The following CEP164 variants were observed in gnomAD, a reference collection of about 807,000 sequenced individuals.
The protein encoded by CEP164 is centrosomal protein 164.
In CEP164, 162 loss-of-function variants were observed where a neutral mutation model predicts 182.7. The observed-to-expected ratio is 0.89, with a 90% CI of 0.78 to 1.01. The LOEUF (loss-of-function observed/expected upper bound fraction) is 1.01. CEP164 is among the 50% of genes least tolerant of loss of function. The probability of loss-of-function intolerance (pLI) is 0.00; values close to 1 mark genes in which losing one functional copy is unlikely to be tolerated. For missense variants in CEP164, 1,735 were observed against 1,790.4 expected (o/e 0.97, Z 0.56); for synonymous variants, 661 against 690.0 (o/e 0.96, Z 0.66).
chr11:117,395,831 T>C (rs1219174588), intron 24 of CEP164, 109 bp downstream of exon 24: 6 of 1,360,084 alleles, frequency 4.4e-6, no homozygotes, highest in Non-Finnish European at 6.0e-6. Context: ...AGTCCCAGCT[T>C]GGGAGCTAGG....
intron 28 of CEP164, chr11:117,408,578 G>C: frequency 2.6e-6 from 1 of 382,898 alleles, no homozygotes; most frequent in East Asian, 5.4e-5. Context: ...CTGTGAGGCA[G>C]CCTGTGTGAT....
chr11:117,361,791 C>T, intron 5 of CEP164, 44 bp from the exon 6 acceptor site: 4 of 1,610,220 alleles, frequency 2.5e-6, no homozygotes, highest in South Asian at 2.2e-5. Flanking sequence ...CTCCCAGAGC[C>T]ACCTGGTTTC....
chr11:117,359,727 C>T (rs759754650), intron 5 of CEP164, among the ~76,000 whole-genome samples: 9 of 152,156 alleles, frequency 5.9e-5, no homozygotes, highest in African/African-American at 9.7e-5. Context: ...ACCAGATTGC[C>T]ATCCTTGCTT....
upstream of CEP164, among the ~76,000 whole-genome samples, chr11:117,323,473 C>T (rs1271616592): frequency 6.6e-6 from 1 of 151,988 alleles, no homozygotes; most frequent in African/African-American, 2.4e-5. Context: ...ATATATACCA[C>T]ATTTTCTTTT....
chr11:117,396,465 C>A, intron 25 of CEP164, 85 bp from the exon 26 acceptor site: 1 of 1,118,588 alleles, frequency 8.9e-7, no homozygotes, highest in South Asian at 1.2e-5. Flanking sequence ...CTTGTCTAGA[C>A]CACTGGGAGG....
intron 15 of CEP164, among the ~76,000 whole-genome samples, chr11:117,390,515 G>A (rs2044499267): frequency 6.6e-6 from 1 of 151,822 alleles, no homozygotes; most frequent in African/African-American, 2.4e-5. Flanking sequence ...GCATGCCTGT[G>A]GTCCCAACTA....
At chr11:117,399,473 G>C (rs1235399972) in intron 27 of CEP164, among the ~76,000 whole-genome samples, 4 of 152,210 alleles carry the variant, frequency 2.6e-5, no homozygotes, top group South Asian at 2.1e-4. Context: ...TAATAGAATG[G>C]TTTATAATCC....
intron 8 of CEP164, 91 bp downstream of exon 8, chr11:117,363,597 T>G: frequency 1.1e-6 from 1 of 912,070 alleles, no homozygotes; most frequent in Admixed American, 2.3e-5. Flanking sequence ...TAATGCATAT[T>G]TGGAAAAAGA....
At chr11:117,398,122 C>T (rs2045709075) in intron 27 of CEP164, among the ~76,000 whole-genome samples, 1 of 152,120 alleles carries the variant, frequency 6.6e-6, no homozygotes, top group African/African-American at 2.4e-5. Context: ...GAGAAATTGG[C>T]CAAAACAAAG....
chr11:117,334,646 C>T (rs2036751434), intron 1 of CEP164, among the ~76,000 whole-genome samples: 1 of 152,008 alleles, frequency 6.6e-6, no homozygotes, highest in South Asian at 2.1e-4. Flanking sequence ...ATTAGCCAGG[C>T]ATGGTGGGGG....
Position 117,371,399 on chromosome 11 carries a change from A to C in CEP164, c.1085A>C (p.Glu362Ala). Residue 362 changes from glutamate to alanine, a missense_variant, in exon 9 of 33, where the codon GAA becomes GCA. Transcript: ENST00000278935. ...VDAGEEGSRR[E>A]EAAKEPKKKA... ...GCAGGAGAGGAGGGTTCCAGGAGGG[A>C]AGAGGCAGCCAAGGAGCCAAAGAAG... 6.2e-7 allele frequency: 1 copy of C among 1,614,192 alleles called. No individual in the cohort carries two copies. Among genetic ancestry groups the C allele is most frequent in the Non-Finnish European group, 8.5e-7 (1 of 1,180,014 alleles).
chr11:117,410,929 T>C, intron 31 of CEP164, 35 bp downstream of exon 31: 1 of 1,593,402 alleles, frequency 6.3e-7, no homozygotes, highest in Non-Finnish European at 8.6e-7. Flanking sequence ...GGGTGGAACG[T>C]CATAGTCGAG....
In CEP164 at chr11:117,408,113, T is replaced by G. The variant is rs977130853; in HGVS notation, c.3609+81T>G. 38 of 1,085,654 alleles carry G rather than the reference T, an allele frequency of 3.5e-5. No homozygotes were observed. In the South Asian group the frequency reaches 4.2e-4, roughly 12 times the overall value. 67.3% of individuals were successfully genotyped at this position (1,085,654 alleles called of 1,614,324 possible). A position where few individuals can be genotyped will look rare whatever the true frequency, so the allele number is the denominator to read the frequency against. On this transcript the variant is annotated intron_variant, in intron 28 of 32. Transcript: ENST00000278935. ...GGGATTGGGTTGAGTTCTTTGGTCC[T>G]GCATCCGGGGGAGTTGGGCCTCTAG...
chr11:117,345,040 G>T (rs2038693757), intron 4 of CEP164, among the ~76,000 whole-genome samples: 1 of 152,178 alleles, frequency 6.6e-6, no homozygotes, highest in Admixed American at 6.5e-5. Flanking sequence ...ACCAGCAAAG[G>T]GTTTCTGTGT....
chr11:117,406,850 C>T (rs570108475), intron 27 of CEP164, among the ~76,000 whole-genome samples: 35 of 152,222 alleles, frequency 2.3e-4, no homozygotes, highest in Admixed American at 1.2e-3. Context: ...AATGCCAGCA[C>T]TTTGGGAGGC....
At chr11:117,359,291 C>A in intron 5 of CEP164, 1 of 529,676 alleles carries the variant, frequency 1.9e-6, no homozygotes, top group Non-Finnish European at 2.4e-6. Context: ...CGTATGGGGA[C>A]TGTGGATAAT....
chr11:117,408,833 G>A (rs535402848), intron 28 of CEP164, 57 bp from the exon 29 acceptor site: 5 of 1,604,700 alleles, frequency 3.1e-6, no homozygotes, highest in African/African-American at 2.7e-5. Context: ...GAAGGAAAAA[G>A]GAAGGGTAGA....
rs1322237582 is a variant in CEP164 at position 117,381,778 on chromosome 11, A to G, written c.1487A>G (p.Gln496Arg). 1.3e-6 allele frequency: 2 copies of G among 1,592,948 alleles called. No individual in the cohort carries two copies. The highest frequency in any genetic ancestry group is 1.7e-6 in the Non-Finnish European group (2 of 1,169,412). Residue 496 changes from glutamine (Q) to arginine (R), a missense_variant, in exon 13 of 33, where the codon CAG (glutamine) becomes CGG (arginine). Coordinates refer to ENST00000278935, the MANE Select transcript of CEP164 (RefSeq NM_014956.5). ...RSLATEEEPP[Q>R]GPEGQPEWKE... is the part of the protein sequence containing the mutation. ...CTGGCCACTGAAGAAGAGCCTCCCCAGGGCCCCGAGGGGCAGCCCGAGTGG... is the reference window on the plus strand; with the variant it reads ...CTGGCCACTGAAGAAGAGCCTCCCCGGGGCCCCGAGGGGCAGCCCGAGTGG...
intron 5 of CEP164, chr11:117,356,172 C>G: frequency 9.5e-7 from 1 of 1,050,532 alleles, no homozygotes; most frequent in Non-Finnish European, 1.2e-6. Flanking sequence ...TTCTTAGATC[C>G]TCACATGTCC....
Sources: gnomAD v4.1 joint callset for allele counts (sites outside exome capture counted in the v4.1 genomes callset) on GRCh38, gnomAD v4.1.1 for gene constraint, MANE v1.5 for transcripts, NCBI Gene and HGNC (gene_info 2026-07-23, HGNC 2026-07-21) for gene names.